SAMMSON: variants seen among roughly 807,000 people sequenced by gnomAD.
SAMMSON encodes survival associated mitochondrial melanoma specific oncogenic non-coding RNA.
At chr3:70,280,855 AG>A (rs139947995) in intron 6 of SAMMSON, among the ~76,000 whole-genome samples, 2,570 of 152,276 alleles carry the variant, frequency 0.017, 28 homozygotes, top group Non-Finnish European at 0.027. Context: ...CCCAGAAGGA[AG>A]GGACGCTGCA....
At chr3:70,282,297 T>C (rs769204653) in intron 6 of SAMMSON, among the ~76,000 whole-genome samples, 17 of 152,140 alleles carry the variant, frequency 1.1e-4, no homozygotes, top group Non-Finnish European at 2.1e-4. Flanking sequence ...GACACACCAC[T>C]TAAGAAGATG....
intron 4 of SAMMSON, among the ~76,000 whole-genome samples, chr3:70,218,276 A>T (rs1701433300): frequency 6.6e-6 from 1 of 152,198 alleles, no homozygotes; most frequent in South Asian, 2.1e-4. Flanking sequence ...TTTATAACGT[A>T]TAGTACAGTG....
chr3:70,349,322 C>T (rs1361932640), intron 7 of SAMMSON, among the ~76,000 whole-genome samples: 2 of 151,786 alleles, frequency 1.3e-5, no homozygotes, highest in African/African-American at 2.4e-5. Flanking sequence ...TGCAGTGAGC[C>T]GAAATCATGC....
At chr3:70,151,059 C>A (rs1328433741) in intron 4 of SAMMSON, among the ~76,000 whole-genome samples, 1 of 149,414 alleles carries the variant, frequency 6.7e-6, no homozygotes, top group African/African-American at 2.5e-5. Flanking sequence ...CTATTAGCAT[C>A]CAGCCAGGAA....
intron 6 of SAMMSON, among the ~76,000 whole-genome samples, chr3:70,283,097 T>C (rs1702105403): frequency 6.6e-6 from 1 of 152,110 alleles, no homozygotes; most frequent in South Asian, 2.1e-4. Context: ...AGGTCTTGGG[T>C]ATATTAATAA....
chr3:70,209,240 T>C (rs1340380168), intron 4 of SAMMSON, among the ~76,000 whole-genome samples: 2 of 152,032 alleles, frequency 1.3e-5, no homozygotes, highest in Non-Finnish European at 2.9e-5. Flanking sequence ...GGATGTTTAG[T>C]GGTATCGTAG....
intron 6 of SAMMSON, among the ~76,000 whole-genome samples, chr3:70,252,066 A>G (rs187746124): frequency 6.6e-6 from 1 of 152,300 alleles, no homozygotes; most frequent in East Asian, 1.9e-4. Context: ...TCCTGTTATT[A>G]TTAAGTCTTT....
chr3:70,074,650 C>A (rs2106638580), intron 4 of SAMMSON, among the ~76,000 whole-genome samples: 1 of 152,238 alleles, frequency 6.6e-6, no homozygotes, highest in East Asian at 1.9e-4. Flanking sequence ...GAAGTGCTCA[C>A]ACTACATCCC....
chr3:70,420,165 G>C (rs961454789), intron 2 of SAMMSON, among the ~76,000 whole-genome samples: 1 of 152,146 alleles, frequency 6.6e-6, no homozygotes, highest in African/African-American at 2.4e-5. Flanking sequence ...ACTGGTAATA[G>C]AACTATTAGC....
At chr3:70,007,207 CT>C (rs1318315112) in intron 1 of SAMMSON, among the ~76,000 whole-genome samples, 1 of 152,040 alleles carries the variant, frequency 6.6e-6, no homozygotes, top group African/African-American at 2.4e-5. Context: ...GTTTAAGATC[CT>C]TGAGGAATCG....
chr3:70,024,145 A>C (rs1290349775), intron 3 of SAMMSON, among the ~76,000 whole-genome samples: 1 of 152,196 alleles, frequency 6.6e-6, no homozygotes, highest in Non-Finnish European at 1.5e-5. Context: ...TTAGATTGGC[A>C]GTTCTTTGAC....
chr3:70,032,323 A>T (rs902773926), intron 3 of SAMMSON, among the ~76,000 whole-genome samples: 1 of 152,204 alleles, frequency 6.6e-6, no homozygotes, highest in South Asian at 2.1e-4. Context: ...TAGAAAAAAA[A>T]TAGCCACTTG....
At chr3:70,134,997 G>C (rs1013835341) in intron 4 of SAMMSON, among the ~76,000 whole-genome samples, 1 of 152,134 alleles carries the variant, frequency 6.6e-6, no homozygotes, top group African/African-American at 2.4e-5. Context: ...ATATGAATTA[G>C]AATTGAATTG....
chr3:70,305,659 G>A (rs1008890445), intron 7 of SAMMSON, among the ~76,000 whole-genome samples: 1 of 152,052 alleles, frequency 6.6e-6, no homozygotes, highest in African/African-American at 2.4e-5. Context: ...TTGCTGAGTT[G>A]AACAAAATGC....
At chr3:70,265,704 G>T (rs1295033038) in intron 6 of SAMMSON, among the ~76,000 whole-genome samples, 1 of 152,230 alleles carries the variant, frequency 6.6e-6, no homozygotes, top group Non-Finnish European at 1.5e-5. Flanking sequence ...AACTGCCTGA[G>T]AATGGGCAAT....
At chr3:70,154,102 T>A (rs1369225205) in intron 4 of SAMMSON, among the ~76,000 whole-genome samples, 1 of 152,008 alleles carries the variant, frequency 6.6e-6, no homozygotes, top group Non-Finnish European at 1.5e-5. Context: ...GACTTTTTTT[T>A]TTCCAGCACA....
chr3:70,276,985 T>A (rs558188533), intron 6 of SAMMSON, among the ~76,000 whole-genome samples: 5 of 152,194 alleles, frequency 3.3e-5, no homozygotes, highest in Non-Finnish European at 7.3e-5. Flanking sequence ...TTTTTATTCT[T>A]TCTTAAGGAA....
intron 7 of SAMMSON, among the ~76,000 whole-genome samples, chr3:70,351,893 C>T (rs1026187744): frequency 2.0e-5 from 3 of 151,916 alleles, no homozygotes; most frequent in Admixed American, 6.6e-5. Flanking sequence ...TGATTAGGTT[C>T]GTATTTAGTC....
chr3:70,279,451 T>C (rs755415072), intron 6 of SAMMSON, among the ~76,000 whole-genome samples: 10 of 152,210 alleles, frequency 6.6e-5, no homozygotes, highest in South Asian at 4.2e-4. Context: ...TCTGAGTACA[T>C]TGTCATTTTC....
Sources: gnomAD v4.1 joint callset for allele counts (sites outside exome capture counted in the v4.1 genomes callset) on GRCh38, gnomAD v4.1.1 for gene constraint, MANE v1.5 for transcripts, NCBI Gene and HGNC (gene_info 2026-07-23, HGNC 2026-07-21) for gene names.